Variants in SCN8A observed in about 807,000 individuals in gnomAD.
The protein encoded by SCN8A is sodium voltage-gated channel alpha subunit 8.
Under a neutral mutation model 184.1 loss-of-function variants are expected in SCN8A, and 30 were observed. The ratio of observed to expected loss-of-function variants is 0.16; its 90% CI spans 0.12 to 0.22. SCN8A has a LOEUF of 0.22. Ranked by LOEUF, SCN8A falls within the 10% of genes least tolerant of loss-of-function variation. The pLI, the probability that SCN8A is intolerant of heterozygous loss-of-function variation, is 1.00. For missense variants in SCN8A, 1,057 were observed against 2,498.9 expected (o/e 0.42, Z 12.30); for synonymous variants, 852 against 907.0 (o/e 0.94, Z 1.09).
In SCN8A at chr12:51,737,727, A is replaced by C. The variant is rs902329453; in HGVS notation, c.1999-8176A>C. On this transcript the variant is annotated intron_variant, in intron 12 of 26. Coordinates refer to ENST00000627620, the MANE Select transcript of SCN8A (RefSeq NM_001330260.2). ...TTTTGTAAGTGATCATATAACACTT[A>C]GCAGGCTGCAGGTTGTTTACTGCAG... Among the ~76,000 whole-genome samples, 6 of 152,232 alleles carry C rather than the reference A, an allele frequency of 3.9e-5. No homozygotes were observed. In the East Asian group the frequency reaches 1.2e-3, roughly 29 times the overall value.
chr12:51,638,632 G>A (rs935811669), intron 1 of SCN8A, among the ~76,000 whole-genome samples: 12 of 151,728 alleles, frequency 7.9e-5, no homozygotes, highest in Non-Finnish European at 1.8e-4. Flanking sequence ...GACTACAGGC[G>A]CGTGCCACCA....
chr12:51,619,895 G>A (rs1488741058), intron 1 of SCN8A, among the ~76,000 whole-genome samples: 3 of 152,208 alleles, frequency 2.0e-5, no homozygotes, highest in African/African-American at 7.2e-5. Flanking sequence ...TGTCTATCAT[G>A]TGTTCTCACC....
intron 15 of SCN8A, among the ~76,000 whole-genome samples, chr12:51,765,423 T>C (rs893464830): frequency 6.6e-6 from 1 of 152,170 alleles, no homozygotes; most frequent in African/African-American, 2.4e-5. Context: ...AGTAAGGGAC[T>C]AAGGCAGTAT....
intron 26 of SCN8A, among the ~76,000 whole-genome samples, chr12:51,803,555 T>TAA: frequency 6.6e-6 from 1 of 152,204 alleles, no homozygotes; most frequent in Middle Eastern, 3.4e-3. Flanking sequence ...TAAATGGTGT[T>TAA]TCTACTGCCT....
At chr12:51,594,066 A>G (rs926774258) in intron 1 of SCN8A, among the ~76,000 whole-genome samples, 12 of 152,192 alleles carry the variant, frequency 7.9e-5, no homozygotes, top group African/African-American at 1.9e-4. Context: ...CAGTATTACT[A>G]AAGTCGATTT....
At chr12:51,621,750 G>T (rs1333298268) in intron 1 of SCN8A, among the ~76,000 whole-genome samples, 1 of 152,224 alleles carries the variant, frequency 6.6e-6, no homozygotes, top group Non-Finnish European at 1.5e-5. Flanking sequence ...GTCCAGACCA[G>T]ACACGATGAG....
chr12:51,702,120 G>A (rs768918613), intron 8 of SCN8A, among the ~76,000 whole-genome samples: 8 of 151,826 alleles, frequency 5.3e-5, no homozygotes, highest in African/African-American at 1.5e-4. Context: ...TCAGGAGTTC[G>A]AGACCAGCCA....
intron 1 of SCN8A, among the ~76,000 whole-genome samples, chr12:51,603,263 A>G (rs1010358537): frequency 6.6e-6 from 1 of 152,248 alleles, no homozygotes; most frequent in African/African-American, 2.4e-5. Flanking sequence ...AAGTAGAATC[A>G]TACTACACTA....
chr12:51,677,858 A>G (rs1456798399), intron 2 of SCN8A, among the ~76,000 whole-genome samples: 3 of 152,218 alleles, frequency 2.0e-5, no homozygotes, highest in East Asian at 1.9e-4. Context: ...AGTAACCGCA[A>G]TCCAATTTCA....
chr12:51,739,481 T>C (rs959921757), intron 12 of SCN8A, among the ~76,000 whole-genome samples: 1 of 152,210 alleles, frequency 6.6e-6, no homozygotes, highest in African/African-American at 2.4e-5. Context: ...TTTGCCACTT[T>C]AGCTTTAGCT....
chr12:51,803,230 C>G (rs1222689612), intron 26 of SCN8A, among the ~76,000 whole-genome samples: 1 of 152,094 alleles, frequency 6.6e-6, no homozygotes, highest in Non-Finnish European at 1.5e-5. Context: ...GTCCAAAAGC[C>G]AAAGAACTTG....
Position 51,769,938 on chromosome 12 carries a change from T to C in SCN8A, c.3443T>C (p.Val1148Ala). 6 of 1,607,372 alleles carry C rather than the reference T, an allele frequency of 3.7e-6. No homozygotes were observed. Among genetic ancestry groups the C allele is most frequent in the Non-Finnish European group, 5.1e-6 (6 of 1,177,050 alleles). ...DIKPEVEEVP[V>A]EQPEEYLDPD... ...AAACCAGAAGTAGAAGAGGTCCCTG[T>C]GGAACAGCCTGAGGAATACTTGGAT... is the stretch of plus-strand genomic sequence containing the variant. The change falls in exon 18 of 27, where the codon GTG becomes GCG. Residue 1148 changes from valine (V) to alanine (A), a missense_variant. By Grantham distance (64) the Val-to-Ala change is moderately conservative. Transcript: ENST00000627620.
At chr12:51,688,965 G>A in intron 5 of SCN8A, 40 bp from the exon 6 acceptor site, 1 of 1,590,272 alleles carries the variant, frequency 6.3e-7, no homozygotes, top group African/African-American at 1.3e-5. Context: ...TTGTGTCTGT[G>A]TTTGTCACTT....
chr12:51,687,136 C>T lies in SCN8A; in HGVS notation c.531C>T (p.Ile177=). 2 of 1,613,448 alleles carry T rather than the reference C, an allele frequency of 1.2e-6. No homozygotes were observed. The highest frequency in any genetic ancestry group is 1.7e-6 in the Non-Finnish European group (2 of 1,179,506). ...GIYTFESLVK[I]IARGFCIDGF... Reference sequence around the variant, plus strand: ...ATACATTTGAATCACTAGTGAAAATCATTGCAAGAGGTTTCTGCATAGATG... The same window carrying T: ...ATACATTTGAATCACTAGTGAAAATTATTGCAAGAGGTTTCTGCATAGATG... The change falls in exon 5 of 27, where the codon ATC becomes ATT. Residue 177 remains isoleucine, a synonymous_variant. Transcript: ENST00000627620.
At chr12:51,658,502 A>T (rs1940866563) in intron 1 of SCN8A, among the ~76,000 whole-genome samples, 1 of 152,152 alleles carries the variant, frequency 6.6e-6, no homozygotes, top group Non-Finnish European at 1.5e-5. Flanking sequence ...TGAAGTACTG[A>T]TACATGCTAC....
chr12:51,713,698 T>G, intron 11 of SCN8A: 2 of 435,010 alleles, frequency 4.6e-6, no homozygotes, highest in Non-Finnish European at 8.0e-6. Context: ...TTTATAAATA[T>G]TAAGTTGAGC....
intron 14 of SCN8A, among the ~76,000 whole-genome samples, chr12:51,758,727 C>T (rs1419366279): frequency 6.6e-6 from 1 of 152,152 alleles, no homozygotes; most frequent in African/African-American, 2.4e-5. Context: ...CGTGAGCCAC[C>T]GTGCCTGGCC....
intron 11 of SCN8A, among the ~76,000 whole-genome samples, chr12:51,706,920 A>G (rs1390603160): frequency 1.3e-5 from 2 of 151,966 alleles, no homozygotes; most frequent in East Asian, 1.9e-4. Flanking sequence ...TCTACCTTCA[A>G]GAGATCCACT....
chr12:51,686,330 A>T, intron 3 of SCN8A, 38 bp from the exon 4 acceptor site: 1 of 1,305,808 alleles, frequency 7.7e-7, no homozygotes, highest in African/African-American at 1.5e-5. Context: ...AACAAAAGGC[A>T]GGCCAGATTT....
Sources: allele counts gnomAD v4.1 joint callset (sites outside exome capture counted in the v4.1 genomes callset), GRCh38; gene constraint gnomAD v4.1.1; transcripts MANE v1.5; gene names NCBI Gene and HGNC (gene_info 2026-07-23, HGNC 2026-07-21).